The following TJAP1 variants were observed in gnomAD, a reference collection of about 807,000 sequenced individuals.
The protein encoded by TJAP1 is tight junction-associated protein 1.
TJAP1 carries 27 observed loss-of-function variants against 42.0 expected under a neutral mutation model. The observed-to-expected ratio is 0.64, with a 90% CI of 0.47 to 0.89. The LOEUF (loss-of-function observed/expected upper bound fraction) is 0.89. TJAP1 is among the 40% of genes least tolerant of loss of function. TJAP1 has a pLI of 0.00. For synonymous variants in TJAP1, 257 were observed against 288.4 expected (o/e 0.89, Z 1.10); for missense variants, 712 against 726.9 (o/e 0.98, Z 0.24).
In TJAP1 at chr6:43,480,169, A is replaced by G. The variant is rs192006540; in HGVS notation, c.-122+1937A>G. 4.9e-3 allele frequency among the ~76,000 whole-genome samples: 746 copies of G among 152,354 alleles called. 5 individuals are homozygous for G. The highest frequency in any genetic ancestry group is 0.016 in the African/African-American group (679 of 41,576). On this transcript the variant is annotated intron_variant, in intron 2 of 10. Transcript: ENST00000372449. ...TTAATATGCTTACTCAGTGCCTGACAGTAAGTTTTAGTTATACTAGTCAGA... is the reference window on the plus strand; with the variant it reads ...TTAATATGCTTACTCAGTGCCTGACGGTAAGTTTTAGTTATACTAGTCAGA...
chr6:43,503,457 C>G, exon 9 of TJAP1: 4 of 1,614,154 alleles, frequency 2.5e-6, no homozygotes, highest in Non-Finnish European at 3.4e-6. Context: ...TGGAGCTGAC[C>G]AACAAGCTGC....
intron 5 of TJAP1, 123 bp downstream of exon 5, chr6:43,500,895 G>T (rs1385587721): frequency 8.7e-7 from 1 of 1,149,132 alleles, no homozygotes; most frequent in African/African-American, 1.5e-5. Context: ...GGGATGGGTT[G>T]TTTTAGGGAC....
chr6:43,481,381 G>A (rs1259201930), intron 2 of TJAP1, among the ~76,000 whole-genome samples: 2 of 151,948 alleles, frequency 1.3e-5, no homozygotes, highest in African/African-American at 4.8e-5. Context: ...GTACGTATAA[G>A]GCTCATTTCT....
intron 2 of TJAP1, among the ~76,000 whole-genome samples, chr6:43,479,282 C>G (rs967179999): frequency 2.6e-5 from 4 of 152,138 alleles, no homozygotes; most frequent in African/African-American, 4.8e-5. Context: ...GTACCTGTCC[C>G]CCCAATCAAA....
At chr6:43,504,936 C>T in exon 11 of TJAP1, 8 of 1,614,168 alleles carry the variant, frequency 5.0e-6, no homozygotes, top group Non-Finnish European at 5.9e-6. Context: ...TCAGGCAGCG[C>T]CGGGCGCCCC....
At chr6:43,497,085 T>G (rs1789372926) in intron 2 of TJAP1, 1 of 152,326 alleles carries the variant, frequency 6.6e-6, no homozygotes, top group Non-Finnish European at 1.5e-5. Context: ...TTCCTCAGCC[T>G]TGGCACTCTG....
rs1164509782 is a variant in TJAP1 at position 43,495,122 on chromosome 6, G to A, written c.-121-2759G>A. Among the ~76,000 whole-genome samples, 1 of 152,364 alleles carries A rather than the reference G, an allele frequency of 6.6e-6. No homozygotes were observed. The highest frequency in any genetic ancestry group is 2.4e-5 in the African/African-American group (1 of 41,590). ...ACTTGGGAAACCTTTGGGTGAAGGA[G>A]ATGTGGCCAGGGGAGGCTGCACCTG... is the stretch of plus-strand genomic sequence containing the variant. On this transcript the variant is annotated intron_variant, in intron 2 of 10. Transcript: ENST00000372449. This position sits in a 1 kb window ranked among gnomAD's most constrained non-coding sequence, Gnocchi z 4.6.
intron 10 of TJAP1, chr6:43,504,281 AT>A (rs1791715395): frequency 9.1e-6 from 2 of 219,896 alleles, no homozygotes; most frequent in East Asian, 1.1e-4. Flanking sequence ...CGCCTGGCTA[AT>A]TTTTTTGTCT....
In TJAP1 at chr6:43,492,081, G is replaced by T. The variant is rs1787936524; in HGVS notation, c.-121-5800G>T. ...TTTTTTTGCAGGGAGGGGTTGGTTT[G>T]CCTGGCTCTTTAGCCCCTTGTTCCT... On this transcript the variant is annotated intron_variant, in intron 2 of 10. Transcript: ENST00000372449. The surrounding 1 kb of genome is among the most constrained non-coding windows in gnomAD (Gnocchi z 4.2). Among the ~76,000 whole-genome samples the T allele has an allele frequency of 2.0e-5, 3 of 152,186 alleles. No homozygotes were observed. The highest frequency in any genetic ancestry group is 6.5e-5 in the Admixed American group (1 of 15,286).
intron 4 of TJAP1, 85 bp downstream of exon 4, chr6:43,499,185 T>C: frequency 6.4e-7 from 1 of 1,567,722 alleles, no homozygotes. Flanking sequence ...TGCCTGAGCT[T>C]CTGGTCCTGA....
At chr6:43,496,213 T>C (rs1789103800) in intron 2 of TJAP1, among the ~76,000 whole-genome samples, 1 of 152,156 alleles carries the variant, frequency 6.6e-6, no homozygotes, top group Non-Finnish European at 1.5e-5. Flanking sequence ...CTTCCATCTC[T>C]GGCCATACCC....
In TJAP1 at chr6:43,490,216, C is replaced by A. The variant is rs151078666; in HGVS notation, c.-121-7665C>A. Among the ~76,000 whole-genome samples the A allele has an allele frequency of 1.4e-4, 21 of 152,312 alleles. No individual in the cohort carries two copies. The East Asian group carries it at 4.1e-3, about 29-fold the overall frequency. ...CCCTTTGCTGTGGGTGGGGATGTGCCCCCTTCACGGCCACCTGCCCATCAC... is the reference window on the plus strand; with the variant it reads ...CCCTTTGCTGTGGGTGGGGATGTGCACCCTTCACGGCCACCTGCCCATCAC... On this transcript the variant is annotated intron_variant, in intron 2 of 10. Coordinates refer to ENST00000372449, the Ensembl canonical transcript of TJAP1.
At chr6:43,499,168 C>T in intron 4 of TJAP1, 68 bp downstream of exon 4, 2 of 1,586,238 alleles carry the variant, frequency 1.3e-6, no homozygotes, top group African/African-American at 1.3e-5. Flanking sequence ...GTCTGGCTGA[C>T]TTCTCCTGCC....
At chr6:43,504,026 C>G (rs2127651920) in intron 10 of TJAP1, 1 of 529,474 alleles carries the variant, frequency 1.9e-6, no homozygotes, top group East Asian at 4.2e-5. Context: ...CCCATCTGAT[C>G]ATGTTACCCC....
chr6:43,491,670 C>T lies in TJAP1; in HGVS notation c.-121-6211C>T, dbSNP rs1339353439. Among the ~76,000 whole-genome samples, 2 of 152,092 alleles carry T rather than the reference C, an allele frequency of 1.3e-5. No homozygotes were observed. The highest frequency in any genetic ancestry group is 1.9e-4 in the East Asian group (1 of 5,202). On this transcript the variant is annotated intron_variant, in intron 2 of 10. Coordinates refer to ENST00000372449, the Ensembl canonical transcript of TJAP1. This position sits in a 1 kb window ranked among gnomAD's most constrained non-coding sequence, Gnocchi z 4.6. ...TATGCAATATTAAGGATTTATAGTA[C>T]TGATCAATATCCATGTGGAAATGAA...
At chr6:43,501,246 C>T (rs1479257812) in intron 5 of TJAP1, 2 of 442,082 alleles carry the variant, frequency 4.5e-6, no homozygotes, top group Non-Finnish European at 8.1e-6. Context: ...ATATCCCTAC[C>T]CCCAATTCTT....
chr6:43,502,530 T>C, intron 7 of TJAP1, 58 bp from the exon 8 acceptor site: 1 of 1,547,214 alleles, frequency 6.5e-7, no homozygotes, highest in Non-Finnish European at 8.7e-7. Flanking sequence ...ACACTGTTTC[T>C]CTTCTTTCCT....
intron 10 of TJAP1, chr6:43,503,929 G>A: frequency 1.4e-6 from 1 of 702,148 alleles, no homozygotes; most frequent in Non-Finnish European, 2.7e-6. Flanking sequence ...GTTGGTTTCT[G>A]TAACAGAGAC....
At position 43,501,890 on chromosome 6, in the gene TJAP1, G is replaced by GCCCC. The variant is rs1289452463; in HGVS notation, c.290+205_290+206insCCCC. On this transcript the variant is annotated intron_variant, in intron 6 of 10. Transcript: ENST00000372449. Reference sequence around the variant, plus strand: ...AGTTCTGCAGGTGTGGGAATGCGGGGCCACACACACACACACACACACACA... The same window carrying GCCCC: ...AGTTCTGCAGGTGTGGGAATGCGGGGCCCCCCACACACACACACACACACACACA... Among the ~76,000 whole-genome samples the GCCCC allele has an allele frequency of 2.3e-4, 13 of 55,404 alleles. No individual in the cohort carries two copies. The Admixed American group carries it at 2.4e-3, about 10-fold the overall frequency. The allele number at this position is 55,404 out of a possible 152,430, so 36.3% of individuals were successfully genotyped here. A position where few individuals can be genotyped will look rare whatever the true frequency, so the allele number is the denominator to read the frequency against.
Sources: allele counts gnomAD v4.1 joint callset (sites outside exome capture counted in the v4.1 genomes callset), GRCh38; gene constraint gnomAD v4.1.1; non-coding constraint Gnocchi (gnomAD v3.1); transcripts MANE v1.5; gene names NCBI Gene and HGNC (gene_info 2026-07-23, HGNC 2026-07-21).